Variants in FREM1 observed in about 807,000 individuals in gnomAD.
FREM1 encodes FRAS1-related extracellular matrix protein 1.
A neutral mutation model predicts 210.1 loss-of-function variants in FREM1; 220 were observed. The observed-to-expected ratio is 1.05, with a 90% confidence interval of 0.94 to 1.17. FREM1 has a LOEUF of 1.17. Among genes scored for constraint, FREM1 ranks in the 50% most tolerant of loss-of-function variants. The pLI is 0.00. For synonymous variants in FREM1, 1,189 were observed against 980.2 expected (o/e 1.21, Z -3.98); for missense variants, 3,454 against 2,675.5 (o/e 1.29, Z -6.42).
chr9:14,847,468 G>A (rs933526605), intron 7 of FREM1, among the ~76,000 whole-genome samples: 5 of 150,188 alleles, frequency 3.3e-5, no homozygotes, highest in Non-Finnish European at 5.9e-5. Context: ...GTGGGAGGGA[G>A]AAGAAATGGA....
intron 14 of FREM1, among the ~76,000 whole-genome samples, chr9:14,817,666 T>A (rs1820545393): frequency 6.6e-6 from 1 of 152,122 alleles, no homozygotes; most frequent in Non-Finnish European, 1.5e-5. Context: ...AAAAATAATA[T>A]AATATATTGA....
chr9:14,737,660 G>C (rs1160901847), intron 36 of FREM1, 65 bp from the exon 37 acceptor site: 2 of 1,292,598 alleles, frequency 1.5e-6, no homozygotes, highest in Non-Finnish European at 2.1e-6. Context: ...ATCATATCCA[G>C]CTGTTGCTCT....
rs562789264 is a variant in FREM1 at position 14,756,563 on chromosome 9, G to C, written c.5335-117C>G. 6.7e-5 allele frequency: 45 copies of C among 674,306 alleles called. No homozygotes were observed. The East Asian group carries it at 1.4e-3, about 21-fold the overall frequency. 41.8% of individuals were successfully genotyped at this position (674,306 alleles called of 1,614,324 possible). On this transcript the variant is annotated intron_variant, in intron 28 of 36. Transcript: ENST00000380880. ...GCTCTTAAATCTGTTTTTAATATTA[G>C]GTAGGGTTTTTAAAAAAATTATATA...
intron 14 of FREM1, among the ~76,000 whole-genome samples, chr9:14,818,402 A>G (rs1463312281): frequency 6.6e-6 from 1 of 152,210 alleles, no homozygotes; most frequent in African/African-American, 2.4e-5. Context: ...CTTCTGTACA[A>G]ATCTTAGTTT....
chr9:14,776,680 A>G (rs946764720), intron 24 of FREM1, among the ~76,000 whole-genome samples: 1 of 152,200 alleles, frequency 6.6e-6, no homozygotes, highest in Non-Finnish European at 1.5e-5. Flanking sequence ...AAATGAGTTG[A>G]ATTTAGCTAA....
At chr9:14,756,847 A>G (rs1844472131) in intron 28 of FREM1, among the ~76,000 whole-genome samples, 1 of 152,180 alleles carries the variant, frequency 6.6e-6, no homozygotes, top group South Asian at 2.1e-4. Context: ...AGGAGAAGAA[A>G]AAGCAGGTAC....
rs1426092806 is a variant in FREM1 at position 14,851,366 on chromosome 9, G to A, written c.1070C>T (p.Ser357Leu). The A allele has an allele frequency of 6.2e-7, 1 of 1,613,766 alleles. No homozygotes were observed. Among genetic ancestry groups the A allele is most frequent in the Admixed American group, 1.7e-5 (1 of 60,016 alleles). ...HLLDHTRPIS[S>L]FTWKDLSDMQ... ...GTCACTGAGATCTTTCCAGGTGAAT[G>A]AGGAGATTGGTCTGGTGTGATCCAA... Residue 357 changes from serine to leucine, a missense_variant, in exon 6 of 37, where the codon TCA becomes TTA. Transcript: ENST00000380880.
rs561956741 is a variant in FREM1 at position 14,860,310 on chromosome 9, T to C, written c.330-826A>G. Among the ~76,000 whole-genome samples the C allele has an allele frequency of 5.9e-5, 9 of 151,900 alleles. No homozygotes were observed. In the South Asian group the frequency reaches 1.7e-3, roughly 28 times the overall value. ...AGAAGCAGTAAGAGGGGAACAAACA[T>C]GCTCCCTGTTTTCTGCTGCCTACTC... On this transcript the variant is annotated intron_variant, in intron 3 of 36. Coordinates refer to ENST00000380880, the MANE Select transcript of FREM1 (RefSeq NM_001379081.2).
chr9:14,856,835 C>CAA (rs754857691), intron 5 of FREM1, among the ~76,000 whole-genome samples: 211 of 77,998 alleles, frequency 2.7e-3, no homozygotes, highest in African/African-American at 8.3e-3. Context: ...GACTCCGTCT[C>CAA]AAAAAAAAAA....
chr9:14,749,818 C>T (rs1336403056), intron 30 of FREM1, among the ~76,000 whole-genome samples: 2 of 152,148 alleles, frequency 1.3e-5, no homozygotes, highest in African/African-American at 4.8e-5. Context: ...GCTCTACAGA[C>T]TCTGGGGAAA....
At chr9:14,869,959 C>T (rs759272855) in intron 1 of FREM1, among the ~76,000 whole-genome samples, 9 of 152,198 alleles carry the variant, frequency 5.9e-5, no homozygotes, top group Non-Finnish European at 1.3e-4. Context: ...ATGTACTCAA[C>T]TTGCACAAAT....
At chr9:14,898,457 T>C (rs937193320) in intron 1 of FREM1, among the ~76,000 whole-genome samples, 1 of 152,170 alleles carries the variant, frequency 6.6e-6, no homozygotes, top group Admixed American at 6.5e-5. Context: ...ACCCATAGAA[T>C]GCAGCCGGGT....
At chr9:14,875,795 T>C (rs1386320528) in intron 1 of FREM1, among the ~76,000 whole-genome samples, 2 of 152,174 alleles carry the variant, frequency 1.3e-5, no homozygotes, top group African/African-American at 2.4e-5. Context: ...TTTTTCCCCA[T>C]CTTTGTGGTT....
intron 24 of FREM1, among the ~76,000 whole-genome samples, chr9:14,779,253 T>C (rs887463384): frequency 6.6e-6 from 1 of 152,238 alleles, no homozygotes; most frequent in African/African-American, 2.4e-5. Flanking sequence ...ACCAGATCCC[T>C]GTATCAAGTG....
chr9:14,872,327 A>G (rs1832831345), intron 1 of FREM1, among the ~76,000 whole-genome samples: 1 of 151,904 alleles, frequency 6.6e-6, no homozygotes. Context: ...ATTTCTTTGT[A>G]TCCTCTTTTA....
intron 10 of FREM1, among the ~76,000 whole-genome samples, chr9:14,837,340 C>G (rs1345131654): frequency 1.3e-5 from 2 of 152,130 alleles, no homozygotes; most frequent in South Asian, 4.1e-4. Context: ...AGCTTTAGAG[C>G]CCCATTCCCA....
At chr9:14,799,394 T>TA (rs1483669818) in intron 20 of FREM1, among the ~76,000 whole-genome samples, 7 of 152,158 alleles carry the variant, frequency 4.6e-5, no homozygotes, top group East Asian at 3.8e-4. Context: ...CTAAAGTTTT[T>TA]AAAAAATGTA....
At chr9:14,792,272 G>GCGCACACA (rs1472365300) in intron 22 of FREM1, among the ~76,000 whole-genome samples, 4 of 142,244 alleles carry the variant, frequency 2.8e-5, no homozygotes, top group African/African-American at 1.1e-4. Context: ...ACACACACAC[G>GCGCACACA]CACACACACA....
At chr9:14,866,909 G>C (rs1831625066) in intron 2 of FREM1, among the ~76,000 whole-genome samples, 2 of 151,972 alleles carry the variant, frequency 1.3e-5, no homozygotes, top group South Asian at 2.1e-4. Context: ...ACCCAGGCTG[G>C]AGTGTAGTGG....
Sources: gnomAD v4.1 joint callset for allele counts (sites outside exome capture counted in the v4.1 genomes callset) on GRCh38, gnomAD v4.1.1 for gene constraint, MANE v1.5 for transcripts, NCBI Gene and HGNC (gene_info 2026-07-23, HGNC 2026-07-21) for gene names.